MORC3: variants seen among roughly 807,000 people sequenced by gnomAD.
The protein encoded by MORC3 is MORC family CW-type zinc finger protein 3.
Under a neutral mutation model 109.1 loss-of-function variants are expected in MORC3, and 31 were observed. The observed-to-expected ratio is 0.28, with a 90% CI of 0.21 to 0.38. The LOEUF (loss-of-function observed/expected upper bound fraction) is 0.38, where lower values mean the gene tolerates loss of function less well. MORC3 is among the 10% of genes least tolerant of loss of function. MORC3 has a pLI of 1.00. For synonymous variants in MORC3, 395 were observed against 380.7 expected (o/e 1.04, Z -0.44); for missense variants, 867 against 1,135.8 (o/e 0.76, Z 3.40).
intron 15 of MORC3, among the ~76,000 whole-genome samples, chr21:36,370,666 T>A (rs71330673): frequency 2.0e-5 from 2 of 100,118 alleles, no homozygotes; most frequent in South Asian, 3.5e-4. Context: ...TTTTTTTTTT[T>A]TTTTTCTTCT....
At chr21:36,362,943 AG>A (rs1026695862) in intron 13 of MORC3, among the ~76,000 whole-genome samples, 1 of 152,154 alleles carries the variant, frequency 6.6e-6, no homozygotes, top group Non-Finnish European at 1.5e-5. Flanking sequence ...AAGACATCCC[AG>A]GAACACCCAG....
chr21:36,369,373 C>T lies in MORC3; in HGVS notation c.2005C>T (p.Pro669Ser), dbSNP rs551589749. The T allele has an allele frequency of 6.2e-6, 10 of 1,614,152 alleles. No individual in the cohort carries two copies. The East Asian group carries it at 6.7e-5, about 11-fold the overall frequency. ...IDVRNDAVILPSCVEAEAKIH... is the reference protein window; with the variant it reads ...IDVRNDAVILSSCVEAEAKIH... ...CGTAAGAAATGATGCAGTGATTCTGCCCTCCTGTGTAGAAGCTGAAGCAAA... is the reference window on the plus strand; with the variant it reads ...CGTAAGAAATGATGCAGTGATTCTGTCCTCCTGTGTAGAAGCTGAAGCAAA... The change falls in exon 15 of 17, where the codon CCC (proline) becomes TCC (serine). Residue 669 changes from proline (P) to serine (S), a missense_variant. By Grantham distance (74) the Pro-to-Ser change is moderately conservative. Transcript: ENST00000400485.
At chr21:36,338,039 T>C in intron 4 of MORC3, 93 bp downstream of exon 4, 1 of 1,244,738 alleles carries the variant, frequency 8.0e-7, no homozygotes, top group South Asian at 1.3e-5. Flanking sequence ...GATTATTCCC[T>C]TTGAATAACA....
intron 6 of MORC3, 144 bp downstream of exon 6, chr21:36,341,690 C>G: frequency 8.7e-7 from 1 of 1,145,370 alleles, no homozygotes. Context: ...CCCTGGCCCA[C>G]TCAGCCTGGG....
intron 10 of MORC3, among the ~76,000 whole-genome samples, chr21:36,357,400 C>T (rs2085656936): frequency 6.6e-6 from 1 of 151,956 alleles, no homozygotes; most frequent in South Asian, 2.1e-4. Context: ...ATAGACTTCC[C>T]ATCGTACTTT....
chr21:36,354,350 G>A (rs1010131031), intron 9 of MORC3, among the ~76,000 whole-genome samples: 2 of 124,488 alleles, frequency 1.6e-5, no homozygotes, highest in African/African-American at 3.0e-5. Flanking sequence ...TTGAGATGGA[G>A]TCTCGCTCTG....
rs554067443 is a variant in MORC3, at chr21:36,368,889, A to T, written c.1620-99A>T. 13 of 1,214,148 alleles carry T rather than the reference A, an allele frequency of 1.1e-5. No individual in the cohort carries two copies. In the African/African-American group the frequency reaches 2.0e-4, roughly 19 times the overall value. The allele number at this position is 1,214,148 out of a possible 1,614,324, so 75.2% of individuals were successfully genotyped here. ...GACACTCCATCTCAAAAAACAAAAAAACTGTTACAATACTGCATTTGTTAG... is the reference window on the plus strand; with the variant it reads ...GACACTCCATCTCAAAAAACAAAAATACTGTTACAATACTGCATTTGTTAG... On this transcript the variant is annotated intron_variant, in intron 14 of 16. Transcript: ENST00000400485.
At chr21:36,354,384 A>G (rs1265799394) in intron 9 of MORC3, among the ~76,000 whole-genome samples, 1 of 133,120 alleles carries the variant, frequency 7.5e-6, no homozygotes, top group South Asian at 2.4e-4. Flanking sequence ...GGCTCACTGC[A>G]ACCTCCGCCT....
chr21:36,362,661 G>A (rs1298221489), intron 13 of MORC3, among the ~76,000 whole-genome samples: 1 of 151,884 alleles, frequency 6.6e-6, no homozygotes, highest in Non-Finnish European at 1.5e-5. Flanking sequence ...ACAGGTATGA[G>A]CCACCACACC....
At position 36,375,401 on chromosome 21, in the gene MORC3, A is replaced by G; in HGVS notation, c.*105A>G. On this transcript the variant is annotated 3_prime_UTR_variant, in exon 17 of 17. Coordinates refer to ENST00000400485, the MANE Select transcript of MORC3 (RefSeq NM_015358.3). The stretch of plus-strand genomic sequence containing the variant: ...TAGATATGATAGGCAACAGACTGAA[A>G]ACCATAATCTTTACTGTATTCTATG... 1 of 1,031,958 alleles carries G rather than the reference A, an allele frequency of 9.7e-7. No homozygotes were observed. Among genetic ancestry groups the G allele is most frequent in the Non-Finnish European group, 1.4e-6 (1 of 727,352 alleles). 63.9% of individuals were successfully genotyped at this position (1,031,958 alleles called of 1,614,324 possible).
At chr21:36,328,332 C>T (rs182159445) in intron 1 of MORC3, among the ~76,000 whole-genome samples, 6 of 145,550 alleles carry the variant, frequency 4.1e-5, no homozygotes, top group Admixed American at 1.4e-4. Flanking sequence ...AATAATAAGC[C>T]CCCCCCCGCC....
At chr21:36,366,226 C>T (rs1014096601) in intron 14 of MORC3, among the ~76,000 whole-genome samples, 4 of 151,972 alleles carry the variant, frequency 2.6e-5, no homozygotes, top group African/African-American at 9.7e-5. Context: ...GTCTATAGTT[C>T]CCATCTTTAT....
intron 12 of MORC3, chr21:36,361,534 C>G: frequency 1.2e-5 from 1 of 82,614 alleles, no homozygotes; most frequent in Non-Finnish European, 2.1e-5. Flanking sequence ...GAGTGAGACT[C>G]TGTCTCAAAA....
chr21:36,368,700 A>G (rs2085809534), intron 14 of MORC3, among the ~76,000 whole-genome samples: 1 of 152,302 alleles, frequency 6.6e-6, no homozygotes, highest in South Asian at 2.1e-4. Flanking sequence ...AACATGGGGA[A>G]ACCCCATCTG....
chr21:36,331,720 A>G (rs1438772557), intron 1 of MORC3, among the ~76,000 whole-genome samples: 1 of 152,278 alleles, frequency 6.6e-6, no homozygotes, highest in Admixed American at 6.5e-5. Context: ...ATATTCTTCC[A>G]TAATGAATTG....
chr21:36,324,278 GTT>G (rs56818491), intron 1 of MORC3, among the ~76,000 whole-genome samples: 3 of 143,290 alleles, frequency 2.1e-5, no homozygotes, highest in African/African-American at 2.5e-5. Flanking sequence ...ATTAACTGTA[GTT>G]TTTTTTTTTT....
chr21:36,373,654 T>G (rs962640727), intron 16 of MORC3, among the ~76,000 whole-genome samples: 42 of 151,088 alleles, frequency 2.8e-4, no homozygotes, highest in Middle Eastern at 6.9e-3. Context: ...TGGGAACGAT[T>G]AAAGTATTAT....
At chr21:36,365,887 G>C (rs1349010975) in intron 14 of MORC3, among the ~76,000 whole-genome samples, 1 of 151,900 alleles carries the variant, frequency 6.6e-6, no homozygotes, top group East Asian at 1.9e-4. Flanking sequence ...CGGCCAGTTT[G>C]CTCTTTATAA....
intron 9 of MORC3, among the ~76,000 whole-genome samples, chr21:36,355,443 C>T (rs1185555785): frequency 6.6e-6 from 1 of 152,148 alleles, no homozygotes; most frequent in Admixed American, 6.5e-5. Context: ...AGACTGGCAG[C>T]TGGTGTTTGT....
Sources: gnomAD v4.1 joint callset for allele counts (sites outside exome capture counted in the v4.1 genomes callset) on GRCh38, gnomAD v4.1.1 for gene constraint, MANE v1.5 for transcripts, NCBI Gene and HGNC (gene_info 2026-07-23, HGNC 2026-07-21) for gene names.